Variants in XKR4 observed in about 807,000 individuals in gnomAD.
XKR4 encodes the protein XK related 4, also known as XK-related protein 4.
In XKR4, 12 loss-of-function variants were observed where a neutral mutation model predicts 53.9. The observed-to-expected ratio is 0.22, with a 90% CI of 0.14 to 0.36. XKR4 has a LOEUF of 0.36. XKR4 is among the 10% of genes least tolerant of loss of function. The pLI, the probability that XKR4 is intolerant of heterozygous loss-of-function variation, is 1.00. For synonymous variants in XKR4, 354 were observed against 362.4 expected, an observed-to-expected ratio of 0.98 and a Z score of 0.26; for missense variants, 799 against 859.5, an observed-to-expected ratio of 0.93 and a Z score of 0.88.
intron 1 of XKR4, among the ~76,000 whole-genome samples, chr8:55,104,567 A>G (rs1563457233): frequency 6.6e-6 from 1 of 152,202 alleles, no homozygotes; most frequent in Non-Finnish European, 1.5e-5. Context: ...GAACAACCAT[A>G]TGTTCACCTG....
intron 1 of XKR4, among the ~76,000 whole-genome samples, chr8:55,335,997 C>T (rs1320174160): frequency 7.8e-6 from 1 of 128,488 alleles, no homozygotes; most frequent in Non-Finnish European, 1.6e-5. Flanking sequence ...GTGTTAGTTA[C>T]ATGAATCCAC....
rs1248831626 is a variant in XKR4 at position 55,526,771 on chromosome 8, C to T, written c.*2544C>T. 1 of 152,158 alleles carries T rather than the reference C, an allele frequency of 6.6e-6. No homozygotes were observed. Among genetic ancestry groups the T allele is most frequent in the Non-Finnish European group, 1.5e-5 (1 of 68,038 alleles). 9.4% of individuals were successfully genotyped at this position (152,158 alleles called of 1,614,324 possible). On this transcript the variant is annotated 3_prime_UTR_variant, in exon 3 of 3. Coordinates refer to ENST00000327381, the MANE Select transcript of XKR4 (RefSeq NM_052898.2). ...ATCATGTAAGTTCTAAGTTATTTCT[C>T]AACTTGATCCCTCATTCAACATGTT...
intron 2 of XKR4, among the ~76,000 whole-genome samples, chr8:55,516,708 G>A (rs1406433606): frequency 6.6e-6 from 1 of 152,220 alleles, no homozygotes; most frequent in African/African-American, 2.4e-5. Context: ...ATGGAAAACA[G>A]TATGGAGATT....
At chr8:55,151,649 A>G (rs1004933188) in intron 1 of XKR4, among the ~76,000 whole-genome samples, 2 of 152,178 alleles carry the variant, frequency 1.3e-5, no homozygotes, top group Non-Finnish European at 1.5e-5. Flanking sequence ...AAAATCTAGA[A>G]AGGCATGAAA....
intron 2 of XKR4, chr8:55,453,361 C>G: frequency 2.2e-6 from 1 of 464,456 alleles, no homozygotes; most frequent in Non-Finnish European, 4.4e-6. Context: ...GTTGCACATG[C>G]AGGTACAGTT....
At chr8:55,179,540 C>T (rs1224955400) in intron 1 of XKR4, among the ~76,000 whole-genome samples, 4 of 152,036 alleles carry the variant, frequency 2.6e-5, no homozygotes, top group African/African-American at 4.8e-5. Context: ...TTTAAATAGC[C>T]GAAGTGTATT....
At chr8:55,166,415 A>T (rs1186718762) in intron 1 of XKR4, among the ~76,000 whole-genome samples, 1 of 152,196 alleles carries the variant, frequency 6.6e-6, no homozygotes, top group African/African-American at 2.4e-5. Context: ...CTGTTCATTT[A>T]AAAAATATGT....
chr8:55,150,020 A>G (rs964894734), intron 1 of XKR4, among the ~76,000 whole-genome samples: 6 of 152,352 alleles, frequency 3.9e-5, no homozygotes, highest in African/African-American at 1.4e-4. Context: ...AGTACTGGCC[A>G]TTCTACTCCT....
At chr8:55,168,523 C>A (rs946120338) in intron 1 of XKR4, among the ~76,000 whole-genome samples, 21 of 152,192 alleles carry the variant, frequency 1.4e-4, no homozygotes, top group African/African-American at 5.1e-4. Context: ...GTAAGTCACT[C>A]TGGAAATGTC....
At chr8:55,309,686 G>A (rs950089429) in intron 1 of XKR4, among the ~76,000 whole-genome samples, 1 of 152,160 alleles carries the variant, frequency 6.6e-6, no homozygotes, top group African/African-American at 2.4e-5. Context: ...GGGAAAATAA[G>A]GCAAAGTGTA....
intron 2 of XKR4, among the ~76,000 whole-genome samples, chr8:55,416,626 G>A (rs1232395995): frequency 6.6e-6 from 1 of 152,208 alleles, no homozygotes; most frequent in Non-Finnish European, 1.5e-5. Context: ...AGCCTGGCTG[G>A]AGGATCACAA....
chr8:55,263,400 T>A (rs1336725864), intron 1 of XKR4, among the ~76,000 whole-genome samples: 1 of 152,212 alleles, frequency 6.6e-6, no homozygotes, highest in Admixed American at 6.5e-5. Flanking sequence ...CTTCTTTGTG[T>A]GATCTGATGC....
chr8:55,121,461 C>T (rs1391049742), intron 1 of XKR4, among the ~76,000 whole-genome samples: 3 of 152,158 alleles, frequency 2.0e-5, no homozygotes, highest in African/African-American at 7.2e-5. Flanking sequence ...GTTACAGACA[C>T]ACTAAAATTA....
chr8:55,217,140 G>A (rs1255436000), intron 1 of XKR4, among the ~76,000 whole-genome samples: 1 of 151,104 alleles, frequency 6.6e-6, no homozygotes, highest in African/African-American at 2.4e-5. Flanking sequence ...TACTCGGGAG[G>A]CTGAGCCAGG....
chr8:55,326,108 C>T lies in XKR4; in HGVS notation c.807-31570C>T, dbSNP rs143134909. Among the ~76,000 whole-genome samples, 24 of 152,174 alleles carry T rather than the reference C, an allele frequency of 1.6e-4. No homozygotes were observed. The East Asian group carries it at 3.1e-3, about 20-fold the overall frequency. ...AGAGGCACTGAGGACTTCTGAATTG[C>T]GAATGACCTGATAATGAGGGGTATT... On this transcript the variant is annotated intron_variant, in intron 1 of 2. Coordinates refer to ENST00000327381, the MANE Select transcript of XKR4 (RefSeq NM_052898.2).
In XKR4 at chr8:55,523,854, C is replaced by T; in HGVS notation, c.1580C>T (p.Ala527Val). Residue 527 changes from alanine to valine, a missense_variant, in exon 3 of 3, where the codon GCT (alanine) becomes GTT (valine). By Grantham distance (64) the Ala-to-Val change is moderately conservative. This residue lies in a region of XKR4 where 269 missense variants were observed against 264.4 expected (regional missense o/e 1.02). Transcript: ENST00000327381. ...GPRFGQSPSC[A>V]CEDPAAAFTL... Reference sequence around the variant, plus strand: ...AGATTCGGGCAGTCACCAAGTTGTGCTTGTGAGGACCCAGCCGCTGCCTTC... The same window carrying T: ...AGATTCGGGCAGTCACCAAGTTGTGTTTGTGAGGACCCAGCCGCTGCCTTC... The T allele has an allele frequency of 6.2e-7, 1 of 1,614,144 alleles. No individual in the cohort carries two copies. The highest frequency in any genetic ancestry group is 1.1e-5 in the South Asian group (1 of 91,078).
chr8:55,162,284 T>G (rs929771584), intron 1 of XKR4, among the ~76,000 whole-genome samples: 2 of 152,230 alleles, frequency 1.3e-5, no homozygotes, highest in Non-Finnish European at 2.9e-5. Context: ...TTTGTCTCTG[T>G]GTCCTTGACA....
intron 1 of XKR4, among the ~76,000 whole-genome samples, chr8:55,312,534 T>C (rs538262056): frequency 1.5e-4 from 23 of 152,290 alleles, no homozygotes; most frequent in African/African-American, 4.6e-4. Context: ...TTTGGTGAGA[T>C]TTAAACAATA....
chr8:55,441,553 T>A (rs1232105910), intron 2 of XKR4, among the ~76,000 whole-genome samples: 1 of 152,196 alleles, frequency 6.6e-6, no homozygotes, highest in Non-Finnish European at 1.5e-5. Context: ...CCATAATACA[T>A]GTTATTCTAG....
Sources: gnomAD v4.1 joint callset for allele counts (sites outside exome capture counted in the v4.1 genomes callset) on GRCh38, gnomAD v4.1.1 for gene constraint, gnomAD v4.1.1 regional missense constraint, MANE v1.5 for transcripts, NCBI Gene and HGNC (gene_info 2026-07-23, HGNC 2026-07-21) for gene names.